VPS8: variants seen among roughly 807,000 people sequenced by gnomAD.
VPS8 encodes the protein vacuolar protein sorting-associated protein 8 homolog.
Under a neutral mutation model 216.4 loss-of-function variants are expected in VPS8, and 129 were observed. The ratio of observed to expected loss-of-function variants is 0.60; its 90% CI spans 0.52 to 0.69. The LOEUF (loss-of-function observed/expected upper bound fraction) is 0.69, where lower values mean the gene tolerates loss of function less well. VPS8 is among the 30% of genes least tolerant of loss of function. The pLI is 0.00. For synonymous variants in VPS8, 571 were observed against 565.4 expected (o/e 1.01, Z -0.14); for missense variants, 1,531 against 1,683.5 (o/e 0.91, Z 1.59).
chr3:184,896,647 C>T (rs868434981), intron 23 of VPS8, among the ~76,000 whole-genome samples: 6 of 152,208 alleles, frequency 3.9e-5, no homozygotes, highest in South Asian at 4.1e-4. Flanking sequence ...AGCATTTGTT[C>T]GTTAATTCAA....
chr3:185,031,799 G>A (rs1758210168), intron 46 of VPS8, among the ~76,000 whole-genome samples: 1 of 152,160 alleles, frequency 6.6e-6, no homozygotes, highest in African/African-American at 2.4e-5. Context: ...CCTGCCTTTG[G>A]TCAGAGTTTG....
In VPS8 at chr3:184,824,760, A is replaced by G. The variant is rs117998598; in HGVS notation, c.128A>G (p.Lys43Arg). 39 of 1,612,408 alleles carry G rather than the reference A, an allele frequency of 2.4e-5. No homozygotes were observed. In the East Asian group the frequency reaches 8.0e-4, roughly 33 times the overall value. Residue 43 changes from lysine (K) to arginine (R), a missense_variant, in exon 2 of 48, where the codon AAG becomes AGG. Physicochemically the swap from Lys to Arg is conservative, Grantham distance 26 (BLOSUM62 2). Transcript: ENST00000625842. ...LSKFSYIDMDKELEFKNDLID... is the reference protein window; with the variant it reads ...LSKFSYIDMDRELEFKNDLID... ...AAATTCTCTTACATAGATATGGACA[A>G]GGAACTGGAGTTCAAAAATGATCTG...
At chr3:185,040,531 A>G (rs1759484570) in intron 46 of VPS8, among the ~76,000 whole-genome samples, 1 of 152,112 alleles carries the variant, frequency 6.6e-6, no homozygotes, top group Non-Finnish European at 1.5e-5. Context: ...CAGAACATCC[A>G]CAATCCATTT....
chr3:184,891,814 A>G (rs933012646), intron 22 of VPS8, among the ~76,000 whole-genome samples: 14 of 152,190 alleles, frequency 9.2e-5, no homozygotes, highest in African/African-American at 3.4e-4. Context: ...CTGGTTATAT[A>G]TTTAGTATGG....
chr3:185,034,609 T>TTTGTTG lies in VPS8; in HGVS notation c.4056+10250_4056+10255dup, dbSNP rs71632042. ...ATTGTCTGTTTGCTTCGTTGATAGT[T>TTTGTTG]TTGTTGTTGTTGTTGTTGTTGTTGT... is the stretch of plus-strand genomic sequence containing the variant. On this transcript the variant is annotated intron_variant, in intron 46 of 47. Coordinates refer to ENST00000625842, the MANE Select transcript of VPS8 (RefSeq NM_001009921.3). Among the ~76,000 whole-genome samples, 1,324 of 145,534 alleles carry TTTGTTG rather than the reference T, an allele frequency of 9.1e-3. 19 individuals are homozygous for TTTGTTG. Among genetic ancestry groups the TTTGTTG allele is most frequent in the East Asian group, 0.068 (318 of 4,672 alleles).
chr3:184,990,795 C>T (rs1751794812), intron 42 of VPS8, among the ~76,000 whole-genome samples: 1 of 152,152 alleles, frequency 6.6e-6, no homozygotes, highest in African/African-American at 2.4e-5. Flanking sequence ...TACTTAGATG[C>T]ACAATTGCTC....
chr3:184,911,578 T>G (rs1441275973), intron 25 of VPS8, among the ~76,000 whole-genome samples: 1 of 152,240 alleles, frequency 6.6e-6, no homozygotes, highest in Non-Finnish European at 1.5e-5. Context: ...GAACAGTTAA[T>G]TATGCATTTG....
chr3:184,969,138 G>A (rs924209668), intron 39 of VPS8, among the ~76,000 whole-genome samples: 1 of 152,060 alleles, frequency 6.6e-6, no homozygotes, highest in Non-Finnish European at 1.5e-5. Flanking sequence ...TTTCTGGGGG[G>A]ACGGCGTCTC....
intron 10 of VPS8, among the ~76,000 whole-genome samples, chr3:184,852,272 G>A (rs1288537427): frequency 1.3e-5 from 2 of 152,164 alleles, no homozygotes; most frequent in Admixed American, 6.5e-5. Flanking sequence ...GTGATGAAAG[G>A]TGGTTTTGCT....
intron 24 of VPS8, among the ~76,000 whole-genome samples, chr3:184,900,625 G>T (rs191957475): frequency 6.6e-6 from 1 of 152,206 alleles, no homozygotes; most frequent in East Asian, 1.9e-4. Flanking sequence ...GTTTTTAAAA[G>T]AATAAAGCGT....
intron 14 of VPS8, among the ~76,000 whole-genome samples, chr3:184,856,424 A>C (rs1725268292): frequency 6.6e-6 from 1 of 152,216 alleles, no homozygotes; most frequent in Non-Finnish European, 1.5e-5. Context: ...GTAGGTATGC[A>C]TACTGGGGGA....
At chr3:184,913,418 C>T (rs938255814) in intron 25 of VPS8, 101 bp from the exon 26 acceptor site, 1 of 1,047,856 alleles carries the variant, frequency 9.5e-7, no homozygotes, top group Non-Finnish European at 1.4e-6. Flanking sequence ...ACTTACCTCA[C>T]CTTAAATGCC....
chr3:184,843,088 C>T (rs997005056), intron 7 of VPS8, among the ~76,000 whole-genome samples, 152 bp from the exon 8 acceptor site: 7 of 152,070 alleles, frequency 4.6e-5, no homozygotes, highest in African/African-American at 1.7e-4. Context: ...ATACTAGAGG[C>T]ATCACTTAAT....
At chr3:184,836,473 T>C (rs1721113805) in intron 5 of VPS8, 3 of 351,710 alleles carry the variant, frequency 8.5e-6, no homozygotes, top group South Asian at 4.4e-5. Context: ...AAATCTGTTA[T>C]TTAAAAGGAG....
intron 36 of VPS8, among the ~76,000 whole-genome samples, chr3:184,956,976 G>A (rs1242702129): frequency 1.3e-5 from 2 of 152,100 alleles, no homozygotes; most frequent in African/African-American, 4.8e-5. Flanking sequence ...TGATATGATT[G>A]GTGCTATGAA....
intron 45 of VPS8, among the ~76,000 whole-genome samples, chr3:185,012,577 C>T (rs1354496618): frequency 2.6e-5 from 4 of 151,198 alleles, no homozygotes; most frequent in African/African-American, 9.7e-5. Context: ...ACATAATAGT[C>T]GTAGTCAAAC....
intron 21 of VPS8, among the ~76,000 whole-genome samples, chr3:184,872,459 A>G (rs1728514139): frequency 6.6e-6 from 1 of 152,074 alleles, no homozygotes. Context: ...GTGGTTTCTG[A>G]TGCTGACTGC....
At chr3:184,867,098 TTTAG>T in intron 17 of VPS8, 148 bp downstream of exon 17, 1 of 624,308 alleles carries the variant, frequency 1.6e-6, no homozygotes, top group Non-Finnish European at 2.6e-6. Flanking sequence ...AGGCATGATT[TTTAG>T]TTAATTATTT....
intron 17 of VPS8, 42 bp from the exon 18 acceptor site, chr3:184,867,982 G>C: frequency 6.2e-7 from 1 of 1,609,668 alleles, no homozygotes; most frequent in Non-Finnish European, 8.5e-7. Context: ...AAAGAAGTCT[G>C]TTAAGGGTGA....
Sources: gnomAD v4.1 joint callset for allele counts (sites outside exome capture counted in the v4.1 genomes callset) on GRCh38, gnomAD v4.1.1 for gene constraint, MANE v1.5 for transcripts, NCBI Gene and HGNC (gene_info 2026-07-23, HGNC 2026-07-21) for gene names.